ZFHX4: variants seen among roughly 807,000 people sequenced by gnomAD.
The protein encoded by ZFHX4 is zinc finger homeobox protein 4.
In ZFHX4, 56 loss-of-function variants were observed where a neutral mutation model predicts 267.6. That is an observed-to-expected ratio of 0.21 (90% CI 0.17 to 0.26). The LOEUF (loss-of-function observed/expected upper bound fraction) is 0.26. Among genes scored for constraint, ZFHX4 ranks in the 10% least tolerant of loss-of-function variants. The pLI is 1.00. For missense variants in ZFHX4, 4,332 were observed against 4,420.0 expected, an observed-to-expected ratio of 0.98 and a Z score of 0.56; for synonymous variants, 1,778 against 1,665.6, an observed-to-expected ratio of 1.07 and a Z score of -1.64.
At chr8:76,845,749 G>T (rs1188407649) in intron 6 of ZFHX4, among the ~76,000 whole-genome samples, 1 of 151,976 alleles carries the variant, frequency 6.6e-6, no homozygotes, top group Non-Finnish European at 1.5e-5. Context: ...GGCGGCATCT[G>T]CATTGAAATG....
intron 3 of ZFHX4, among the ~76,000 whole-genome samples, chr8:76,741,227 G>A (rs1809307725): frequency 6.6e-6 from 1 of 152,164 alleles, no homozygotes; most frequent in South Asian, 2.1e-4. Context: ...AATTCCAAAA[G>A]TGGAATATAA....
Position 76,736,680 on chromosome 8 carries a change from C to A in ZFHX4, c.3093+28632C>A, listed in dbSNP as rs548895343. Among the ~76,000 whole-genome samples the A allele has an allele frequency of 2.0e-5, 3 of 152,166 alleles. No homozygotes were observed. The East Asian group carries it at 5.8e-4, about 29-fold the overall frequency. ...GCCAGATAATTTCTAGCCATTGAGA[C>A]AAAGGTTTGCCAGATTTCAGGACAT... On this transcript the variant is annotated intron_variant, in intron 3 of 10. Transcript: ENST00000651372.
intron 10 of ZFHX4, among the ~76,000 whole-genome samples, chr8:76,857,614 T>G (rs2131968145): frequency 6.6e-6 from 1 of 152,098 alleles, no homozygotes; most frequent in East Asian, 1.9e-4. Flanking sequence ...AGCTGGTTTT[T>G]GAGAGAAGCA....
chr8:76,724,148 A>G (rs1808794883), intron 3 of ZFHX4, among the ~76,000 whole-genome samples: 1 of 152,102 alleles, frequency 6.6e-6, no homozygotes, highest in Non-Finnish European at 1.5e-5. Flanking sequence ...AACCTGTTGT[A>G]AGTTTTAAAA....
intron 3 of ZFHX4, among the ~76,000 whole-genome samples, chr8:76,752,487 C>CAAAAAAA (rs144149879): frequency 0.029 from 2,051 of 70,094 alleles, 16 homozygotes; most frequent in Non-Finnish European, 0.036. Context: ...ACCAAAAATC[C>CAAAAAAA]AAAAAAAAAA....
chr8:76,707,492 T>G, intron 2 of ZFHX4, 54 bp from the exon 3 acceptor site: 1 of 1,405,128 alleles, frequency 7.1e-7, no homozygotes, highest in Non-Finnish European at 9.4e-7. Flanking sequence ...GATTCCTTTG[T>G]GTGTGCTGTG....
At chr8:76,683,841 C>T (rs902467974) in intron 1 of ZFHX4, 1 of 151,690 alleles carries the variant, frequency 6.6e-6, no homozygotes, top group African/African-American at 2.4e-5. Context: ...CTGCGGCTGC[C>T]GCTGCCTTTT....
chr8:76,834,932 G>A (rs952350322), intron 5 of ZFHX4, among the ~76,000 whole-genome samples: 1 of 151,052 alleles, frequency 6.6e-6, no homozygotes, highest in African/African-American at 2.4e-5. Flanking sequence ...AAGGATATAA[G>A]GTTTGTGTCT....
chr8:76,762,588 A>G (rs1198124008), intron 3 of ZFHX4, among the ~76,000 whole-genome samples: 1 of 152,216 alleles, frequency 6.6e-6, no homozygotes, highest in Non-Finnish European at 1.5e-5. Flanking sequence ...GTTTTCCTAA[A>G]GTGTGCTACC....
At chr8:76,807,758 A>C (rs1312484855) in intron 4 of ZFHX4, among the ~76,000 whole-genome samples, 2 of 152,178 alleles carry the variant, frequency 1.3e-5, no homozygotes, top group Non-Finnish European at 2.9e-5. Flanking sequence ...TTGCAGTTAA[A>C]GATTTACAAT....
intron 6 of ZFHX4, among the ~76,000 whole-genome samples, chr8:76,845,767 T>C (rs1289788737): frequency 6.6e-6 from 1 of 152,048 alleles, no homozygotes; most frequent in African/African-American, 2.4e-5. Flanking sequence ...ATGAATTATG[T>C]CATTTTTTAT....
chr8:76,765,909 C>A (rs1810039196), intron 3 of ZFHX4, among the ~76,000 whole-genome samples: 1 of 152,012 alleles, frequency 6.6e-6, no homozygotes, highest in Admixed American at 6.6e-5. Context: ...GAAGAAGCAT[C>A]CAAAACTTAG....
At chr8:76,689,858 G>A (rs1310859416) in intron 1 of ZFHX4, among the ~76,000 whole-genome samples, 1 of 152,106 alleles carries the variant, frequency 6.6e-6, no homozygotes. Flanking sequence ...GTCATATTTA[G>A]TAAGCAGCTT....
At chr8:76,747,143 A>G (rs1030422395) in intron 3 of ZFHX4, among the ~76,000 whole-genome samples, 8 of 152,180 alleles carry the variant, frequency 5.3e-5, no homozygotes, top group African/African-American at 1.9e-4. Flanking sequence ...AACTATATTA[A>G]TAATTTTTTT....
At chr8:76,752,672 A>AAAAAC (rs1220482279) in intron 3 of ZFHX4, among the ~76,000 whole-genome samples, 5 of 152,146 alleles carry the variant, frequency 3.3e-5, no homozygotes, top group African/African-American at 1.2e-4. Flanking sequence ...CTCTGTCTCA[A>AAAAAC]AAAACAAAAC....
At chr8:76,711,388 TA>T (rs1257324203) in intron 3 of ZFHX4, among the ~76,000 whole-genome samples, 1 of 152,184 alleles carries the variant, frequency 6.6e-6, no homozygotes, top group Non-Finnish European at 1.5e-5. Flanking sequence ...CCATAATCTT[TA>T]CTTTTAATGT....
chr8:76,710,609 T>G (rs780769481), intron 3 of ZFHX4, among the ~76,000 whole-genome samples: 4 of 152,178 alleles, frequency 2.6e-5, no homozygotes, highest in Non-Finnish European at 5.9e-5. Context: ...TTTACATCAT[T>G]TTGCATCATG....
In ZFHX4 at chr8:76,729,503, A is replaced by T. The variant is rs138767839; in HGVS notation, c.3093+21455A>T. ...CAAAATATCTAATTTTCATGGTTTT[A>T]GAGAGCAAAGATGATTTCTGTTGTT... On this transcript the variant is annotated intron_variant, in intron 3 of 10. Coordinates refer to ENST00000651372, the MANE Select transcript of ZFHX4 (RefSeq NM_024721.5). Among the ~76,000 whole-genome samples, 995 of 152,278 alleles carry T rather than the reference A, an allele frequency of 6.5e-3. 21 individuals carry two copies. Among genetic ancestry groups the T allele is most frequent in the African/African-American group, 0.022 (923 of 41,560 alleles).
chr8:76,855,371 A>C lies in ZFHX4; in HGVS notation c.8450A>C (p.Asp2817Ala), dbSNP rs997435097. The C allele has an allele frequency of 3.7e-6, 6 of 1,613,732 alleles. No individual in the cohort carries two copies. The highest frequency in any genetic ancestry group is 5.1e-6 in the Non-Finnish European group (6 of 1,179,840). The change falls in exon 10 of 11, where the codon GAC becomes GCC. Residue 2817 changes from aspartate to alanine, a missense_variant. This residue lies in a region of ZFHX4 where 1,648 missense variants were observed against 1,625.0 expected (regional missense o/e 1.01). Transcript: ENST00000651372. ...GCAATCAGTGACGCCACCACCGGAG[A>C]CGAGGGAAACACTGAAATGGAAAGC... ...NTAISDATTG[D>A]EGNTEMESTT...
Sources: allele counts gnomAD v4.1 joint callset (sites outside exome capture counted in the v4.1 genomes callset), GRCh38; gene constraint gnomAD v4.1.1; regional missense constraint gnomAD v4.1.1; transcripts MANE v1.5; gene names NCBI Gene and HGNC (gene_info 2026-07-23, HGNC 2026-07-21).